MCC: variants seen among roughly 807,000 people sequenced by gnomAD.
MCC encodes the protein MCC regulator of Wnt signaling pathway.
In MCC, 90 loss-of-function variants were observed where a neutral mutation model predicts 116.2. That is an observed-to-expected ratio of 0.77 (90% CI 0.65 to 0.92). The LOEUF is 0.92. Ranked by LOEUF, MCC falls within the 40% of genes least tolerant of loss-of-function variation. The pLI is 0.00. For missense variants in MCC, 1,516 were observed against 1,312.2 expected, an observed-to-expected ratio of 1.16 and a Z score of -2.40; for synonymous variants, 578 against 510.5, an observed-to-expected ratio of 1.13 and a Z score of -1.78.
intron 14 of MCC, among the ~76,000 whole-genome samples, chr5:113,058,601 C>T (rs1345735863): frequency 2.6e-5 from 4 of 152,218 alleles, no homozygotes; most frequent in Non-Finnish European, 5.9e-5. Context: ...CACAATGCTC[C>T]TGGCTGCCCT....
intron 2 of MCC, among the ~76,000 whole-genome samples, chr5:113,382,270 CTT>C (rs112153904): frequency 6.3e-4 from 86 of 136,094 alleles, no homozygotes; most frequent in Admixed American, 8.2e-4. Context: ...AATTATTGTC[CTT>C]TTTTTTTTTT....
chr5:113,071,380 G>A, intron 11 of MCC, 146 bp from the exon 12 acceptor site: 1 of 817,368 alleles, frequency 1.2e-6, no homozygotes, highest in East Asian at 2.5e-5. Context: ...TGTCAAAGAA[G>A]CAACTCTACA....
chr5:113,298,884 A>T (rs1428114505), intron 3 of MCC, among the ~76,000 whole-genome samples: 5 of 152,180 alleles, frequency 3.3e-5, no homozygotes. Context: ...GACTCAAGGA[A>T]AGTTAGACAG....
At chr5:113,204,200 A>G (rs1762813452) in intron 3 of MCC, among the ~76,000 whole-genome samples, 1 of 152,244 alleles carries the variant, frequency 6.6e-6, no homozygotes, top group Admixed American at 6.5e-5. Flanking sequence ...CATTATGGGC[A>G]AGAACAAGAA....
At chr5:113,402,256 T>C (rs949484909) in intron 1 of MCC, among the ~76,000 whole-genome samples, 2 of 141,142 alleles carry the variant, frequency 1.4e-5, no homozygotes, top group African/African-American at 5.5e-5. Flanking sequence ...ATTGCGCCAC[T>C]GCACTCCAGC....
At chr5:113,326,674 CA>C (rs1159613631) in intron 3 of MCC, among the ~76,000 whole-genome samples, 1 of 152,174 alleles carries the variant, frequency 6.6e-6, no homozygotes, top group African/African-American at 2.4e-5. Flanking sequence ...AATGAATTTT[CA>C]ATAGTTCTCA....
At chr5:113,195,773 C>T (rs1166501593) in intron 3 of MCC, among the ~76,000 whole-genome samples, 4 of 152,158 alleles carry the variant, frequency 2.6e-5, no homozygotes, top group Admixed American at 2.6e-4. Context: ...ACAATATTCC[C>T]CTTCTCAAAA....
At chr5:113,488,203 C>G in intron 1 of MCC, 42 bp downstream of exon 1, 1 of 1,575,266 alleles carries the variant, frequency 6.3e-7, no homozygotes, top group Non-Finnish European at 8.6e-7. Flanking sequence ...CGCGGAGGGA[C>G]TGATCTCGCT....
chr5:113,204,546 G>A (rs950969054), intron 3 of MCC: 3 of 152,010 alleles, frequency 2.0e-5, no homozygotes, highest in African/African-American at 4.8e-5. Context: ...CTGTTCTCTC[G>A]TCTCTGTTCA....
chr5:113,467,352 A>C (rs1561587641), intron 1 of MCC, among the ~76,000 whole-genome samples: 1 of 150,926 alleles, frequency 6.6e-6, no homozygotes, highest in Admixed American at 6.6e-5. Flanking sequence ...ATCCTGAATT[A>C]ATTTTTGTAT....
At chr5:113,116,790 T>C (rs1211056910) in intron 6 of MCC, among the ~76,000 whole-genome samples, 1 of 152,170 alleles carries the variant, frequency 6.6e-6, no homozygotes, top group Non-Finnish European at 1.5e-5. Flanking sequence ...CTGCTACCAT[T>C]TGCAGACAGG....
At chr5:113,357,373 T>G (rs187586223) in intron 2 of MCC, among the ~76,000 whole-genome samples, 23 of 152,294 alleles carry the variant, frequency 1.5e-4, no homozygotes, top group African/African-American at 4.1e-4. Context: ...ACAAAACAAT[T>G]GACACCCAAC....
chr5:113,247,398 GAA>G (rs571259631), intron 3 of MCC, among the ~76,000 whole-genome samples: 109 of 152,314 alleles, frequency 7.2e-4, no homozygotes, highest in African/African-American at 2.5e-3. Context: ...TAAGTCAACA[GAA>G]AACTAAGTGA....
At chr5:113,268,513 G>T (rs1257626222) in intron 3 of MCC, among the ~76,000 whole-genome samples, 1 of 152,114 alleles carries the variant, frequency 6.6e-6, no homozygotes, top group Non-Finnish European at 1.5e-5. Flanking sequence ...GAAAAATTTT[G>T]TATCCTGTCT....
intron 6 of MCC, among the ~76,000 whole-genome samples, chr5:113,117,714 G>T (rs547064583): frequency 7.2e-5 from 11 of 152,344 alleles, no homozygotes; most frequent in Admixed American, 5.9e-4. Flanking sequence ...TGGTCCACAG[G>T]AAAGGACAGC....
chr5:113,377,099 G>A (rs1210360194), intron 2 of MCC, among the ~76,000 whole-genome samples: 2 of 152,194 alleles, frequency 1.3e-5, no homozygotes, highest in Non-Finnish European at 2.9e-5. Flanking sequence ...AAGGAAGGCT[G>A]ATGACATTTG....
At chr5:113,253,087 C>T (rs1416572529) in intron 3 of MCC, among the ~76,000 whole-genome samples, 4 of 152,156 alleles carry the variant, frequency 2.6e-5, no homozygotes, top group Non-Finnish European at 4.4e-5. Flanking sequence ...CAAGACATCT[C>T]CCTACCCCAA....
Position 113,151,312 on chromosome 5 carries a change from T to C in MCC, c.738A>G (p.Ala246=). ...RDLLEKKLAK[A]QCEQSHLMRE... Reference sequence around the variant, plus strand: ...AAAACCTTTCCAGATCCCTTACCTGTGCCTTGGCCAATTTCTTTTCCAGAA... The same window carrying C: ...AAAACCTTTCCAGATCCCTTACCTGCGCCTTGGCCAATTTCTTTTCCAGAA... The change falls in exon 4 of 19, where the codon GCA becomes GCG. Residue 246 remains alanine (A), a synonymous_variant. Transcript: ENST00000408903. The C allele has an allele frequency of 6.2e-7, 1 of 1,606,708 alleles. No individual in the cohort carries two copies. The highest frequency in any genetic ancestry group is 8.5e-7 in the Non-Finnish European group (1 of 1,174,052).
intron 3 of MCC, among the ~76,000 whole-genome samples, chr5:113,211,197 G>C (rs2150323719): frequency 6.6e-6 from 1 of 152,292 alleles, no homozygotes; most frequent in African/African-American, 2.4e-5. Flanking sequence ...AGAGACCCCA[G>C]AGAGCTCGCT....
Sources: allele counts gnomAD v4.1 joint callset (sites outside exome capture counted in the v4.1 genomes callset), GRCh38; gene constraint gnomAD v4.1.1; transcripts MANE v1.5; gene names NCBI Gene and HGNC (gene_info 2026-07-23, HGNC 2026-07-21).